Variants in AFF1 observed in about 807,000 individuals in gnomAD.
The protein encoded by AFF1 is ALF transcription elongation factor 1.
Under a neutral mutation model 121.7 loss-of-function variants are expected in AFF1, and 48 were observed. That is an observed-to-expected ratio of 0.39 (90% CI 0.31 to 0.50). The LOEUF is 0.50. AFF1 is among the 20% of genes least tolerant of loss of function. AFF1 has a pLI of 0.76. For missense variants in AFF1, 1,523 were observed against 1,511.7 expected (o/e 1.01, Z -0.12); for synonymous variants, 613 against 563.0 (o/e 1.09, Z -1.26).
At chr4:86,989,135 T>C (rs968134267) in intron 2 of AFF1, among the ~76,000 whole-genome samples, 1 of 152,070 alleles carries the variant, frequency 6.6e-6, no homozygotes, top group African/African-American at 2.4e-5. Flanking sequence ...GGGCAAAGAC[T>C]TCATGACTAA....
At chr4:87,113,639 G>A (rs914900019) in intron 11 of AFF1, among the ~76,000 whole-genome samples, 2 of 152,102 alleles carry the variant, frequency 1.3e-5, no homozygotes, top group African/African-American at 4.8e-5. Flanking sequence ...CTTTATCAAG[G>A]TATAAAAATT....
At chr4:87,050,809 G>A (rs931428406) in intron 4 of AFF1, among the ~76,000 whole-genome samples, 2 of 152,246 alleles carry the variant, frequency 1.3e-5, no homozygotes, top group Non-Finnish European at 2.9e-5. Flanking sequence ...CCGTCCAGCT[G>A]CAGAGTTGCC....
chr4:87,125,212 G>T, intron 13 of AFF1, 69 bp downstream of exon 13: 3 of 1,184,534 alleles, frequency 2.5e-6, no homozygotes, highest in Middle Eastern at 2.1e-4. Flanking sequence ...ACATAGCAAA[G>T]AAATTTTTCT....
At chr4:86,945,319 C>CTTTTT (rs72025655) in intron 1 of AFF1, among the ~76,000 whole-genome samples, 1 of 111,688 alleles carries the variant, frequency 9.0e-6, no homozygotes, top group Non-Finnish European at 1.7e-5. Flanking sequence ...TTTTCTTTTC[C>CTTTTT]TTTTTTTTTT....
chr4:87,069,345 T>G (rs1721729287), intron 4 of AFF1, among the ~76,000 whole-genome samples: 1 of 149,256 alleles, frequency 6.7e-6, no homozygotes, highest in Non-Finnish European at 1.5e-5. Context: ...GGTTGTTAGT[T>G]TAGATTATGG....
At chr4:86,938,187 C>A (rs933909849) in intron 1 of AFF1, among the ~76,000 whole-genome samples, 1 of 152,068 alleles carries the variant, frequency 6.6e-6, no homozygotes, top group African/African-American at 2.4e-5. Context: ...TGGTGGCTCA[C>A]GCCTGTAATC....
intron 16 of AFF1, among the ~76,000 whole-genome samples, chr4:87,129,220 A>G (rs578165760): frequency 1.4e-4 from 21 of 152,196 alleles, no homozygotes; most frequent in Non-Finnish European, 7.3e-5. Flanking sequence ...CACCCACTCC[A>G]TAATATTCTC....
chr4:87,034,153 G>C (rs966996206), intron 2 of AFF1, among the ~76,000 whole-genome samples: 3 of 152,202 alleles, frequency 2.0e-5, no homozygotes, highest in African/African-American at 7.2e-5. Flanking sequence ...AGTGGAGAGA[G>C]AGCGAGTCTT....
At chr4:87,073,228 T>A (rs928677123) in intron 4 of AFF1, among the ~76,000 whole-genome samples, 1 of 141,916 alleles carries the variant, frequency 7.0e-6, no homozygotes, top group East Asian at 2.1e-4. Context: ...CCTTGAGCCC[T>A]TTTTCTAGAC....
rs774526883 is a variant in AFF1, at chr4:87,109,701, A to G, written c.1533+1386A>G. Among the ~76,000 whole-genome samples the G allele has an allele frequency of 2.6e-5, 4 of 152,376 alleles. No individual in the cohort carries two copies. The South Asian group carries it at 6.2e-4, about 24-fold the overall frequency. On this transcript the variant is annotated intron_variant, in intron 11 of 20. Transcript: ENST00000395146. Reference sequence around the variant, plus strand: ...AATTCAAATAAAATGGAAATGTTACAGATTTGGCTGAATAATTGAAACTTG... The same window carrying G: ...AATTCAAATAAAATGGAAATGTTACGGATTTGGCTGAATAATTGAAACTTG...
intron 4 of AFF1, among the ~76,000 whole-genome samples, chr4:87,063,205 G>A (rs1031848411): frequency 5.0e-5 from 6 of 119,332 alleles, no homozygotes; most frequent in Non-Finnish European, 1.0e-4. Context: ...TTGTCTAAAT[G>A]TATAAGCATA....
intron 4 of AFF1, among the ~76,000 whole-genome samples, chr4:87,056,788 C>A (rs117536864): frequency 6.6e-6 from 1 of 152,100 alleles, no homozygotes; most frequent in African/African-American, 2.4e-5. Flanking sequence ...CAAGGTAATA[C>A]GGAACTCTTC....
At chr4:86,961,949 C>G (rs1483817420) in intron 2 of AFF1, among the ~76,000 whole-genome samples, 3 of 152,062 alleles carry the variant, frequency 2.0e-5, no homozygotes, top group Non-Finnish European at 4.4e-5. Flanking sequence ...TGAAATTGTC[C>G]TTTAAGAATG....
chr4:86,970,717 GA>G (rs1465506328), intron 2 of AFF1, among the ~76,000 whole-genome samples: 1 of 152,200 alleles, frequency 6.6e-6, no homozygotes, highest in African/African-American at 2.4e-5. Context: ...TAGTCATCAG[GA>G]AAGGTGCTGC....
intron 11 of AFF1, among the ~76,000 whole-genome samples, chr4:87,110,291 A>T (rs1578268273): frequency 1.3e-5 from 2 of 152,098 alleles, no homozygotes; most frequent in African/African-American, 4.8e-5. Flanking sequence ...ATCACATCAG[A>T]GTAAGTGGGG....
At chr4:87,040,383 C>G (rs1189412529) in intron 2 of AFF1, among the ~76,000 whole-genome samples, 1 of 152,148 alleles carries the variant, frequency 6.6e-6, no homozygotes, top group Admixed American at 6.5e-5. Context: ...CTTTTTGAGA[C>G]TAAAGAAATA....
At position 87,136,828 on chromosome 4, in the gene AFF1, TC is replaced by T. The variant is rs1729340032; in HGVS notation, c.*1129del. 4 of 220,728 alleles carry T rather than the reference TC, an allele frequency of 1.8e-5. No individual in the cohort carries two copies. The highest frequency in any genetic ancestry group is 1.2e-4 in the Admixed American group (2 of 17,346). The allele number at this position is 220,728 out of a possible 1,614,324, so 13.7% of individuals were successfully genotyped here. A position where few individuals can be genotyped will look rare whatever the true frequency, so the allele number is the denominator to read the frequency against. On this transcript the variant is annotated 3_prime_UTR_variant, in exon 21 of 21. Coordinates refer to ENST00000395146, the MANE Select transcript of AFF1 (RefSeq NM_001166693.3). ...TTATAGCAAAACTAGACTTTCAGAG[TC>T]CTTGATTGTCTAGGGGAAGTTAACT...
chr4:87,090,125 G>A, intron 6 of AFF1, 55 bp downstream of exon 6: 3 of 1,397,484 alleles, frequency 2.1e-6, no homozygotes, highest in Non-Finnish European at 3.0e-6. Context: ...AAAGCGTAAG[G>A]CATTGCTGTG....
At chr4:86,971,000 A>AT (rs1283811695) in intron 2 of AFF1, among the ~76,000 whole-genome samples, 1 of 152,164 alleles carries the variant, frequency 6.6e-6, no homozygotes, top group Non-Finnish European at 1.5e-5. Context: ...AGAGAAAGCC[A>AT]TTTGAGGGTT....
Sources: gnomAD v4.1 joint callset for allele counts (sites outside exome capture counted in the v4.1 genomes callset) on GRCh38, gnomAD v4.1.1 for gene constraint, MANE v1.5 for transcripts, NCBI Gene and HGNC (gene_info 2026-07-23, HGNC 2026-07-21) for gene names.